The following UBE2E2 variants were observed in gnomAD, a reference collection of about 807,000 sequenced individuals.
UBE2E2 encodes ubiquitin-conjugating enzyme E2 E2.
Under a neutral mutation model 24.7 loss-of-function variants are expected in UBE2E2, and 6 were observed. The ratio of observed to expected loss-of-function variants is 0.24; its 90% CI spans 0.13 to 0.48. UBE2E2 has a LOEUF of 0.48. UBE2E2 is among the 20% of genes least tolerant of loss of function. The pLI, the probability that UBE2E2 is intolerant of heterozygous loss-of-function variation, is 0.99. For missense variants in UBE2E2, 169 were observed against 245.0 expected, an observed-to-expected ratio of 0.69 and a Z score of 2.07; for synonymous variants, 104 against 83.6, an observed-to-expected ratio of 1.24 and a Z score of -1.33.
At chr3:23,359,310 T>C (rs1180031019) in intron 3 of UBE2E2, among the ~76,000 whole-genome samples, 1 of 152,202 alleles carries the variant, frequency 6.6e-6, no homozygotes, top group Non-Finnish European at 1.5e-5. Flanking sequence ...TGGCAGGTTT[T>C]TAGAATGTAG....
rs181732844 is a variant in UBE2E2 at position 23,371,167 on chromosome 3, G to A, written c.228-128441G>A. ...ATTTCAGCATCCCAAGTAGCTAGGA[G>A]TACAGCTGCATGCCACCGCACCTGG... On this transcript the variant is annotated intron_variant, in intron 3 of 5. Transcript: ENST00000396703. 5.6e-4 allele frequency among the ~76,000 whole-genome samples: 85 copies of A among 152,066 alleles called. 2 individuals are homozygous for A. The East Asian group carries it at 0.015, about 27-fold the overall frequency.
intron 3 of UBE2E2, among the ~76,000 whole-genome samples, chr3:23,420,145 A>G (rs1455708442): frequency 6.6e-6 from 1 of 152,136 alleles, no homozygotes; most frequent in African/African-American, 2.4e-5. Context: ...CTGAATTATT[A>G]TTGTTTCAGT....
At chr3:23,366,276 A>G (rs1218304385) in intron 3 of UBE2E2, among the ~76,000 whole-genome samples, 1 of 152,238 alleles carries the variant, frequency 6.6e-6, no homozygotes, top group East Asian at 1.9e-4. Context: ...AACTTAAAAC[A>G]GAAATACCAT....
intron 3 of UBE2E2, among the ~76,000 whole-genome samples, chr3:23,478,103 A>T (rs1196220996): frequency 6.6e-6 from 1 of 152,236 alleles, no homozygotes; most frequent in African/African-American, 2.4e-5. Context: ...TAATACACCT[A>T]TTCCGTCCTC....
chr3:23,507,563 CTG>C (rs1575673813), intron 4 of UBE2E2, among the ~76,000 whole-genome samples: 1 of 152,186 alleles, frequency 6.6e-6, no homozygotes, highest in African/African-American at 2.4e-5. Context: ...GATCAGAAAA[CTG>C]AGCTCCATGG....
intron 3 of UBE2E2, among the ~76,000 whole-genome samples, chr3:23,345,876 C>T (rs918206285): frequency 3.9e-5 from 6 of 152,060 alleles, no homozygotes; most frequent in Admixed American, 3.3e-4. Flanking sequence ...GTTAGCAGAG[C>T]CTCAAGCAGT....
chr3:23,293,050 G>A (rs1698810338), intron 3 of UBE2E2, among the ~76,000 whole-genome samples: 1 of 152,168 alleles, frequency 6.6e-6, no homozygotes, highest in Non-Finnish European at 1.5e-5. Flanking sequence ...TCCAGCCTGG[G>A]CAACAAGAGC....
chr3:23,265,848 T>G (rs1003546378), intron 3 of UBE2E2, among the ~76,000 whole-genome samples: 1 of 152,204 alleles, frequency 6.6e-6, no homozygotes, highest in Non-Finnish European at 1.5e-5. Context: ...GGTGCATATA[T>G]ATGTAGGATA....
chr3:23,570,472 A>G (rs1208764839), intron 5 of UBE2E2, among the ~76,000 whole-genome samples: 4 of 152,304 alleles, frequency 2.6e-5, no homozygotes, highest in African/African-American at 9.6e-5. Context: ...GTATATGTAC[A>G]TACCTAAGTT....
At chr3:23,428,951 AAGAATT>A (rs904156900) in intron 3 of UBE2E2, among the ~76,000 whole-genome samples, 4 of 150,408 alleles carry the variant, frequency 2.7e-5, no homozygotes, top group African/African-American at 9.8e-5. Context: ...AAAAAAAAAA[AAGAATT>A]GAAAAAGAGG....
At chr3:23,324,971 A>T (rs1241864498) in intron 3 of UBE2E2, among the ~76,000 whole-genome samples, 2 of 152,204 alleles carry the variant, frequency 1.3e-5, no homozygotes, top group Non-Finnish European at 2.9e-5. Context: ...TGGAACTGAA[A>T]TGAAACTATA....
intron 3 of UBE2E2, among the ~76,000 whole-genome samples, chr3:23,259,573 T>TAA (rs35443771): frequency 7.4e-4 from 109 of 147,970 alleles, no homozygotes; most frequent in African/African-American, 1.4e-3. Context: ...CCTGGAACTT[T>TAA]AAAAAAAAAA....
chr3:23,366,613 C>T (rs1696263229), intron 3 of UBE2E2, among the ~76,000 whole-genome samples: 1 of 151,952 alleles, frequency 6.6e-6, no homozygotes, highest in Non-Finnish European at 1.5e-5. Flanking sequence ...CCAGAGCCTC[C>T]TAGGGTGGAG....
At chr3:23,366,018 C>T (rs745619723) in intron 3 of UBE2E2, among the ~76,000 whole-genome samples, 2 of 152,084 alleles carry the variant, frequency 1.3e-5, no homozygotes, top group Non-Finnish European at 2.9e-5. Context: ...GGGGAAAGGA[C>T]TTTCTATATA....
rs144532317 is a variant in UBE2E2 at position 23,416,952 on chromosome 3, A to G, written c.228-82656A>G. ...GGTTATTCTAGTTAGCAATTCCTCT[A>G]ACCTTTTTTCAAGGTTCTTAGCTTC... On this transcript the variant is annotated intron_variant, in intron 3 of 5. Coordinates refer to ENST00000396703, the MANE Select transcript of UBE2E2 (RefSeq NM_152653.4). Among the ~76,000 whole-genome samples, 124 of 152,186 alleles carry G rather than the reference A, an allele frequency of 8.1e-4. 2 individuals carry two copies. In the East Asian group the frequency reaches 0.022, roughly 27 times the overall value.
intron 5 of UBE2E2, among the ~76,000 whole-genome samples, chr3:23,546,391 G>T (rs1187714326): frequency 6.8e-6 from 1 of 147,508 alleles, no homozygotes; most frequent in Non-Finnish European, 1.5e-5. Context: ...AGAACTATTT[G>T]CCCAAGAAAT....
Position 23,391,598 on chromosome 3 carries a change from A to G in UBE2E2, c.228-108010A>G, listed in dbSNP as rs1696936053. On this transcript the variant is annotated intron_variant, in intron 3 of 5. Transcript: ENST00000396703. The stretch of plus-strand genomic sequence containing the variant: ...TAAAATAAACTAAATAAATTAATAA[A>G]TAAATTACATTCAGGTATTTCTTGC... 2.0e-5 allele frequency among the ~76,000 whole-genome samples: 3 copies of G among 152,340 alleles called. No homozygotes were observed. In the South Asian group the frequency reaches 6.2e-4, roughly 32 times the overall value.
intron 3 of UBE2E2, among the ~76,000 whole-genome samples, chr3:23,335,433 A>G (rs1423028724): frequency 6.6e-6 from 1 of 152,214 alleles, no homozygotes; most frequent in Non-Finnish European, 1.5e-5. Context: ...AGGTAGTAAA[A>G]TAAACTATAG....
At chr3:23,418,480 C>G (rs1275994979) in intron 3 of UBE2E2, among the ~76,000 whole-genome samples, 2 of 152,140 alleles carry the variant, frequency 1.3e-5, no homozygotes, top group African/African-American at 4.8e-5. Flanking sequence ...CAGAGCTGTT[C>G]TATTTGGCCA....
Sources: allele counts gnomAD v4.1 joint callset (sites outside exome capture counted in the v4.1 genomes callset), GRCh38; gene constraint gnomAD v4.1.1; transcripts MANE v1.5; gene names NCBI Gene and HGNC (gene_info 2026-07-23, HGNC 2026-07-21).